Variants in APP observed in about 807,000 individuals in gnomAD.
The protein encoded by APP is amyloid beta precursor protein.
Under a neutral mutation model 101.4 loss-of-function variants are expected in APP, and 31 were observed. That is an observed-to-expected ratio of 0.31 (90% confidence interval 0.23 to 0.41). The LOEUF (loss-of-function observed/expected upper bound fraction) is 0.41, where lower values mean the gene tolerates loss of function less well. APP is among the 10% of genes least tolerant of loss of function. APP has a pLI of 1.00. For synonymous variants in APP, 366 were observed against 364.4 expected, an observed-to-expected ratio of 1.00 and a Z score of -0.05; for missense variants, 839 against 1,003.7, an observed-to-expected ratio of 0.84 and a Z score of 2.22.
Position 26,163,178 on chromosome 21 carries a change from T to C in APP, c.57+7386A>G, listed in dbSNP as rs2063530129. ...ATTGCTTGAACCCGGGAGGCAGAGGTTGCAGTAAGCCAAGACACGCCACTG... is the reference window on the plus strand; with the variant it reads ...ATTGCTTGAACCCGGGAGGCAGAGGCTGCAGTAAGCCAAGACACGCCACTG... On this transcript the variant is annotated intron_variant, in intron 1 of 17. Transcript: ENST00000346798. Among the ~76,000 whole-genome samples, 10 of 137,164 alleles carry C rather than the reference T, an allele frequency of 7.3e-5. No homozygotes were observed. In the South Asian group the frequency reaches 1.6e-3, roughly 22 times the overall value. 90.0% of individuals were successfully genotyped at this position (137,164 alleles called of 152,430 possible).
chr21:25,928,786 G>C (rs1288972705), intron 13 of APP: 4 of 135,922 alleles, frequency 2.9e-5, no homozygotes. Flanking sequence ...ACAGAGTCTT[G>C]CTCTGTCACC....
chr21:25,951,774 A>G (rs763416285), intron 13 of APP, among the ~76,000 whole-genome samples: 5 of 152,224 alleles, frequency 3.3e-5, no homozygotes, highest in African/African-American at 9.6e-5. Flanking sequence ...ACAAAAGTAA[A>G]AAGAATAACA....
chr21:25,954,517 A>T, intron 13 of APP, 73 bp downstream of exon 13: 41 of 1,108,862 alleles, frequency 3.7e-5, no homozygotes, highest in Non-Finnish European at 5.3e-5. Flanking sequence ...TCAAACAGAT[A>T]ACTCACTTCC....
intron 1 of APP, among the ~76,000 whole-genome samples, chr21:26,137,611 T>C (rs2062949445): frequency 1.3e-5 from 2 of 152,084 alleles, no homozygotes; most frequent in African/African-American, 2.4e-5. Flanking sequence ...CCACAGACGC[T>C]AAGAACAGAA....
chr21:25,968,791 A>C (rs1428068626), intron 11 of APP, among the ~76,000 whole-genome samples: 1 of 152,212 alleles, frequency 6.6e-6, no homozygotes, highest in Non-Finnish European at 1.5e-5. Context: ...AAGTCTGAGA[A>C]TATACGGTAG....
chr21:26,170,219 CT>C (rs940064661), intron 1 of APP, among the ~76,000 whole-genome samples: 7 of 152,172 alleles, frequency 4.6e-5, no homozygotes, highest in African/African-American at 1.4e-4. Context: ...CCCTTCCCCC[CT>C]GTCTGAATGT....
Position 25,976,879 on chromosome 21 carries a change from T to C in APP, c.1225-851A>G, listed in dbSNP as rs528378813. The stretch of plus-strand genomic sequence containing the variant: ...CATTATGGGGGGAGTGGGTTTGTTA[T>C]TGTGAGAAGTGGGTTGTTATAAAAC... On this transcript the variant is annotated intron_variant, in intron 9 of 17. Transcript: ENST00000346798. Among the ~76,000 whole-genome samples the C allele has an allele frequency of 6.5e-4, 99 of 152,244 alleles. No individual in the cohort carries two copies. The Middle Eastern group carries it at 0.01, about 16-fold the overall frequency.
At chr21:25,979,892 CT>C (rs55962757) in intron 9 of APP, among the ~76,000 whole-genome samples, 152,198 of 152,198 alleles carry the variant, frequency 1, 76,099 homozygotes, top group Non-Finnish European at 1. Context: ...TTCTATCCAG[CT>C]TGGAAAGATA....
chr21:26,053,374 G>A (rs201248312), intron 3 of APP, 26 bp from the exon 4 acceptor site: 52 of 1,452,830 alleles, frequency 3.6e-5, no homozygotes, highest in African/African-American at 7.0e-5. Flanking sequence ...ACCACTTCCC[G>A]TCATTCCATC....
intron 11 of APP, among the ~76,000 whole-genome samples, chr21:25,964,606 CTTTTTT>C (rs150904952): frequency 5.7e-5 from 7 of 122,564 alleles, no homozygotes; most frequent in African/African-American, 2.1e-4. Flanking sequence ...TTTTTCTTTT[CTTTTTT>C]TTTTTTTTTT....
chr21:26,104,844 G>C (rs961060957), intron 2 of APP, among the ~76,000 whole-genome samples: 1 of 152,042 alleles, frequency 6.6e-6, no homozygotes, highest in Non-Finnish European at 1.5e-5. Flanking sequence ...AAGTCAAAAC[G>C]ACGTGACGGT....
chr21:25,890,244 C>T (rs939522066), intron 17 of APP, among the ~76,000 whole-genome samples: 1 of 152,194 alleles, frequency 6.6e-6, no homozygotes, highest in African/African-American at 2.4e-5. Context: ...AATGAGGCTC[C>T]ACCCCAATTT....
intron 2 of APP, among the ~76,000 whole-genome samples, chr21:26,096,543 C>T (rs772526643): frequency 3.9e-5 from 6 of 152,206 alleles, no homozygotes; most frequent in Non-Finnish European, 5.9e-5. Flanking sequence ...AGGGCTTTCA[C>T]GAACACACAA....
At chr21:26,129,043 A>T (rs1424662260) in intron 1 of APP, among the ~76,000 whole-genome samples, 1 of 152,254 alleles carries the variant, frequency 6.6e-6, no homozygotes, top group East Asian at 1.9e-4. Flanking sequence ...TGAAGAATTG[A>T]GAGCAAGAAA....
At chr21:25,901,591 T>A (rs571864390) in intron 15 of APP, among the ~76,000 whole-genome samples, 2 of 152,294 alleles carry the variant, frequency 1.3e-5, no homozygotes, top group South Asian at 4.1e-4. Context: ...AGCTGGCACA[T>A]AGGGAAATAT....
chr21:26,083,897 G>C (rs1242046487), intron 3 of APP, among the ~76,000 whole-genome samples: 1 of 152,048 alleles, frequency 6.6e-6, no homozygotes, highest in African/African-American at 2.4e-5. Context: ...AACTGAAGAT[G>C]TAATGAAGTA....
chr21:25,894,057 G>GT (rs1191903540), intron 16 of APP, among the ~76,000 whole-genome samples: 1 of 152,144 alleles, frequency 6.6e-6, no homozygotes, highest in Non-Finnish European at 1.5e-5. Context: ...CTCTATAAAT[G>GT]GAACAAAACT....
chr21:26,043,877 C>T lies in APP; in HGVS notation c.662+7123G>A, dbSNP rs1401226210. ...ATTCATAGAGAAAAAGAAATTTAATCGACTAAAACTCATTCTAGCTTGTAC... is the reference window on the plus strand; with the variant it reads ...ATTCATAGAGAAAAAGAAATTTAATTGACTAAAACTCATTCTAGCTTGTAC... On this transcript the variant is annotated intron_variant, in intron 5 of 17. Coordinates refer to ENST00000346798, the MANE Select transcript of APP (RefSeq NM_000484.4). 7.9e-5 allele frequency among the ~76,000 whole-genome samples: 12 copies of T among 151,714 alleles called. 1 individual carries two copies. Among genetic ancestry groups the T allele is most frequent in the Middle Eastern group, 3.4e-3 (1 of 294 alleles).
At chr21:26,024,373 C>A (rs981805391) in intron 5 of APP, among the ~76,000 whole-genome samples, 3 of 152,016 alleles carry the variant, frequency 2.0e-5, no homozygotes, top group African/African-American at 7.2e-5. Flanking sequence ...TGATTCTGGC[C>A]AACAAGGAGA....
Sources: gnomAD v4.1 joint callset for allele counts (sites outside exome capture counted in the v4.1 genomes callset) on GRCh38, gnomAD v4.1.1 for gene constraint, MANE v1.5 for transcripts, NCBI Gene and HGNC (gene_info 2026-07-23, HGNC 2026-07-21) for gene names.